The following FBXL17 variants were observed in gnomAD, a reference collection of about 807,000 sequenced individuals.
The protein encoded by FBXL17 is F-box/LRR-repeat protein 17.
FBXL17 carries 22 observed loss-of-function variants against 66.2 expected under a neutral mutation model. That is an observed-to-expected ratio of 0.33 (90% CI 0.24 to 0.47). FBXL17 has a LOEUF of 0.47. Ranked by LOEUF, FBXL17 falls within the 20% of genes least tolerant of loss-of-function variation. The probability of loss-of-function intolerance (pLI) is 1.00; values close to 1 mark genes in which losing one functional copy is unlikely to be tolerated. For synonymous variants in FBXL17, 474 were observed against 400.5 expected, an observed-to-expected ratio of 1.18 and a Z score of -2.19; for missense variants, 878 against 948.2, an observed-to-expected ratio of 0.93 and a Z score of 0.97.
intron 7 of FBXL17, among the ~76,000 whole-genome samples, chr5:107,890,951 A>T (rs1260155664): frequency 6.6e-6 from 1 of 152,204 alleles, no homozygotes; most frequent in Non-Finnish European, 1.5e-5. Flanking sequence ...GGATAAAAAG[A>T]TCAAATTCCT....
chr5:107,890,640 G>C (rs1242566206), intron 7 of FBXL17, among the ~76,000 whole-genome samples: 1 of 151,296 alleles, frequency 6.6e-6, no homozygotes, highest in Admixed American at 6.6e-5. Context: ...CTCCAGCCTG[G>C]GAGAAAGAGT....
rs1156959022 is a variant in FBXL17 at position 108,058,469 on chromosome 5, CTCCT to C, written c.1746-37472_1746-37469del. 4.5e-3 allele frequency among the ~76,000 whole-genome samples: 679 copies of C among 151,148 alleles called. 2 individuals carry two copies. The highest frequency in any genetic ancestry group is 0.016 in the African/African-American group (655 of 41,172). On this transcript the variant is annotated intron_variant, in intron 6 of 8. Transcript: ENST00000542267. ...TTCTCTCCTTTTCTTTCTTCTCTCT[CTCCT>C]TTTCTTTCTTTCTTTCTTTTTCTTT... is the stretch of plus-strand genomic sequence containing the variant.
intron 8 of FBXL17, among the ~76,000 whole-genome samples, chr5:107,865,150 G>A (rs1003620731): frequency 2.6e-5 from 4 of 152,180 alleles, no homozygotes; most frequent in Non-Finnish European, 4.4e-5. Flanking sequence ...CACTGTTAAC[G>A]ATATGAACTC....
intron 7 of FBXL17, among the ~76,000 whole-genome samples, chr5:108,010,051 C>G (rs1188882865): frequency 6.6e-6 from 1 of 152,092 alleles, no homozygotes; most frequent in Non-Finnish European, 1.5e-5. Flanking sequence ...TGAACTAGAC[C>G]AGTATTTTTC....
intron 6 of FBXL17, among the ~76,000 whole-genome samples, chr5:108,050,621 C>A (rs1377924524): frequency 1.3e-5 from 2 of 152,212 alleles, no homozygotes; most frequent in Non-Finnish European, 1.5e-5. Context: ...CAAATAGACA[C>A]CCTAACATCA....
At chr5:108,163,379 A>G (rs1752285966) in intron 6 of FBXL17, among the ~76,000 whole-genome samples, 2 of 151,438 alleles carry the variant, frequency 1.3e-5, no homozygotes, top group South Asian at 2.1e-4. Flanking sequence ...ACAATGCAGG[A>G]CATGAAAACT....
intron 4 of FBXL17, among the ~76,000 whole-genome samples, chr5:108,333,193 T>C (rs1760214409): frequency 1.3e-5 from 2 of 149,370 alleles, no homozygotes; most frequent in Admixed American, 1.3e-4. Flanking sequence ...TATTCTGAAA[T>C]TTCCCAAGCA....
chr5:108,163,019 G>A (rs1053252429), intron 6 of FBXL17, among the ~76,000 whole-genome samples: 7 of 152,126 alleles, frequency 4.6e-5, no homozygotes, highest in Admixed American at 2.6e-4. Flanking sequence ...AATTGTACTG[G>A]ATCAAACTCT....
chr5:108,086,801 T>G (rs1476907308), intron 6 of FBXL17, among the ~76,000 whole-genome samples: 2 of 152,004 alleles, frequency 1.3e-5, no homozygotes, highest in Non-Finnish European at 2.9e-5. Flanking sequence ...CCTCAAGTGA[T>G]CCACCCGCCT....
chr5:107,869,183 A>T (rs780682316), intron 8 of FBXL17, among the ~76,000 whole-genome samples: 2 of 152,200 alleles, frequency 1.3e-5, no homozygotes, highest in Non-Finnish European at 2.9e-5. Context: ...AATGACTGCT[A>T]ACAGCCCCAG....
intron 6 of FBXL17, among the ~76,000 whole-genome samples, chr5:108,081,260 G>A (rs1748751005): frequency 6.6e-6 from 1 of 152,116 alleles, no homozygotes. Flanking sequence ...TCCCATAACA[G>A]CCTGAATTAG....
chr5:108,009,288 T>TAGATAGATAGATAGATAGATAGATAG lies in FBXL17; in HGVS notation c.1822+11636_1822+11637insCTATCTATCTATCTATCTATCTATCT, dbSNP rs1294587845. On this transcript the variant is annotated intron_variant, in intron 7 of 8. Coordinates refer to ENST00000542267, the MANE Select transcript of FBXL17 (RefSeq NM_001163315.3). The stretch of plus-strand genomic sequence containing the variant: ...ATATATATATATATATATATATATA[T>TAGATAGATAGATAGATAGATAGATAG]ATATATATATATACATATATACATA... Among the ~76,000 whole-genome samples the TAGATAGATAGATAGATAGATAGATAG allele has an allele frequency of 1.5e-3, 43 of 28,758 alleles. 3 individuals are homozygous for TAGATAGATAGATAGATAGATAGATAG. Among genetic ancestry groups the TAGATAGATAGATAGATAGATAGATAG allele is most frequent in the African/African-American group, 2.2e-3 (19 of 8,696 alleles). The allele number at this position is 28,758 out of a possible 152,430, so 18.9% of individuals were successfully genotyped here. A position where few individuals can be genotyped will look rare whatever the true frequency, so the allele number is the denominator to read the frequency against.
At chr5:108,353,097 TAAAAG>T (rs1747752904) in intron 3 of FBXL17, among the ~76,000 whole-genome samples, 1 of 152,232 alleles carries the variant, frequency 6.6e-6, no homozygotes, top group African/African-American at 2.4e-5. Flanking sequence ...ATGCTTGCTT[TAAAAG>T]AAAAGATTTC....
At chr5:107,876,352 A>G (rs1748612613) in intron 8 of FBXL17, among the ~76,000 whole-genome samples, 1 of 152,230 alleles carries the variant, frequency 6.6e-6, no homozygotes, top group Non-Finnish European at 1.5e-5. Context: ...TTAGTTCTGC[A>G]TGAAGTTAAA....
intron 6 of FBXL17, among the ~76,000 whole-genome samples, chr5:108,185,040 T>G (rs1014359342): frequency 6.6e-6 from 1 of 152,130 alleles, no homozygotes; most frequent in African/African-American, 2.4e-5. Context: ...CTTTTAAGGG[T>G]TTTCCTGTAT....
intron 4 of FBXL17, among the ~76,000 whole-genome samples, chr5:108,289,971 C>T (rs1215475851): frequency 6.6e-6 from 1 of 152,088 alleles, no homozygotes; most frequent in African/African-American, 2.4e-5. Context: ...CAAAAACGCA[C>T]AAATAAATGC....
chr5:108,017,003 T>C (rs531027161), intron 7 of FBXL17, among the ~76,000 whole-genome samples: 3 of 152,202 alleles, frequency 2.0e-5, no homozygotes, highest in African/African-American at 7.2e-5. Flanking sequence ...GGTCTCAAAC[T>C]CCTGACCTCA....
Position 107,991,388 on chromosome 5 carries a change from G to T in FBXL17, c.1822+29537C>A, listed in dbSNP as rs191295058. 2.0e-5 allele frequency among the ~76,000 whole-genome samples: 3 copies of T among 152,124 alleles called. No homozygotes were observed. The South Asian group carries it at 6.2e-4, about 32-fold the overall frequency. On this transcript the variant is annotated intron_variant, in intron 7 of 8. Transcript: ENST00000542267. Reference sequence around the variant, plus strand: ...TTGCCTTTAAATATATCCTCTTTTGGGGGGTGGGGTTGAGGTGGGAAGAGA... The same window carrying T: ...TTGCCTTTAAATATATCCTCTTTTGTGGGGTGGGGTTGAGGTGGGAAGAGA...
rs914978238 is a variant in FBXL17 at position 108,271,192 on chromosome 5, T to C, written c.1507-46964A>G. Among the ~76,000 whole-genome samples, 18 of 152,260 alleles carry C rather than the reference T, an allele frequency of 1.2e-4. 1 individual carries two copies. Among genetic ancestry groups the C allele is most frequent in the African/African-American group, 4.3e-4 (18 of 41,558 alleles). On this transcript the variant is annotated intron_variant, in intron 4 of 8. Transcript: ENST00000542267. ...AAATCATAATACATGATGGTCTCAA[T>C]TCCTCCAGTGAAATAAACCATGAAA...
Sources: gnomAD v4.1 joint callset for allele counts (sites outside exome capture counted in the v4.1 genomes callset) on GRCh38, gnomAD v4.1.1 for gene constraint, MANE v1.5 for transcripts, NCBI Gene and HGNC (gene_info 2026-07-23, HGNC 2026-07-21) for gene names.